GNPAT: variants seen among roughly 807,000 people sequenced by gnomAD.
The protein encoded by GNPAT is dihydroxyacetone phosphate acyltransferase.
In GNPAT, 30 loss-of-function variants were observed where a neutral mutation model predicts 78.4. That is an observed-to-expected ratio of 0.38 (90% confidence interval 0.29 to 0.52). GNPAT has a LOEUF of 0.52. Ranked by LOEUF, GNPAT falls within the 20% of genes least tolerant of loss-of-function variation. The pLI is 0.84. For missense variants in GNPAT, 714 were observed against 812.2 expected (o/e 0.88, Z 1.47); for synonymous variants, 271 against 281.1 (o/e 0.96, Z 0.36).
rs1312572344 is a variant in GNPAT at position 231,251,159 on chromosome 1, T to C, written c.261+16T>C. ...CATTAAACAGGTAAGTGATTCCCTC[T>C]TCAACCATGGCCAGATTTGTTCATT... On this transcript the variant is annotated intron_variant, in intron 2 of 15. Transcript: ENST00000366647. 45 of 1,482,580 alleles carry C rather than the reference T, an allele frequency of 3.0e-5. No homozygotes were observed. Among genetic ancestry groups the C allele is most frequent in the Non-Finnish European group, 3.9e-5 (42 of 1,082,912 alleles). 91.8% of individuals were successfully genotyped at this position (1,482,580 alleles called of 1,614,324 possible).
intron 3 of GNPAT, among the ~76,000 whole-genome samples, chr1:231,262,362 A>G (rs896006213): frequency 6.6e-6 from 1 of 152,234 alleles, no homozygotes; most frequent in Non-Finnish European, 1.5e-5. Context: ...CCATTTTACA[A>G]ACAAGAAAGC....
intron 2 of GNPAT, among the ~76,000 whole-genome samples, chr1:231,255,294 C>T (rs2102806999): frequency 6.6e-6 from 1 of 152,260 alleles, no homozygotes; most frequent in African/African-American, 2.4e-5. Flanking sequence ...ATTAGCTCTT[C>T]TCCCATCAGC....
intron 1 of GNPAT, among the ~76,000 whole-genome samples, chr1:231,243,816 C>T (rs1036955563): frequency 1.3e-5 from 2 of 152,052 alleles, no homozygotes; most frequent in African/African-American, 4.8e-5. Flanking sequence ...GTTTACATAT[C>T]CTTAGGGATA....
chr1:231,266,028 G>T lies in GNPAT; in HGVS notation c.787G>T (p.Val263Leu). Residue 263 changes from valine (V) to leucine (L), a missense_variant, in exon 7 of 16, where the codon GTG becomes TTG. Physicochemically the swap from Val to Leu is conservative, Grantham distance 32 (BLOSUM62 1). Transcript: ENST00000366647. ...LTPKFGLLNI[V>L]MEPFFKREVF... ...GTGTTTTGCAGGTCTTCTGAATATT[G>T]TGATGGAGCCATTTTTTAAAAGAGA... is the stretch of plus-strand genomic sequence containing the variant. 6.2e-7 allele frequency: 1 copy of T among 1,612,488 alleles called. No individual in the cohort carries two copies. The highest frequency in any genetic ancestry group is 1.3e-5 in the African/African-American group (1 of 75,004).
rs755949008 is a variant in GNPAT at position 231,266,351 on chromosome 1, A to G, written c.999A>G (p.Ser333=). 6.2e-7 allele frequency: 1 copy of G among 1,614,036 alleles called. No individual in the cohort carries two copies. Among genetic ancestry groups the G allele is most frequent in the South Asian group, 1.1e-5 (1 of 91,080 alleles). The part of the protein sequence containing the change: ...SIHVYFGDPV[S]LRSLAAGRMS... ...ATGTGTACTTTGGAGATCCTGTGTC[A>G]CTTCGATCTTTGGCAGCTGGGAGGA... Residue 333 remains serine, a synonymous_variant, in exon 8 of 16, where the codon TCA becomes TCG. Coordinates refer to ENST00000366647, the MANE Select transcript of GNPAT (RefSeq NM_014236.4).
In GNPAT at chr1:231,272,300, A is replaced by G. The variant is rs1451965513; in HGVS notation, c.1523-12A>G. Reference sequence around the variant, plus strand: ...GCAATGTTGTAATTTTACATGATGCATTTATTTCCAGAGGATGTCTACAGT... The same window carrying G: ...GCAATGTTGTAATTTTACATGATGCGTTTATTTCCAGAGGATGTCTACAGT... On this transcript the variant is annotated splice_polypyrimidine_tract_variant and intron_variant, in intron 10 of 15. Transcript: ENST00000366647. The G allele has an allele frequency of 2.1e-6, 3 of 1,460,128 alleles. No individual in the cohort carries two copies. Among genetic ancestry groups the G allele is most frequent in the African/African-American group, 1.4e-5 (1 of 72,406 alleles). 90.4% of individuals were successfully genotyped at this position (1,460,128 alleles called of 1,614,324 possible).
At chr1:231,271,603 A>G (rs1442792072) in intron 10 of GNPAT, among the ~76,000 whole-genome samples, 2 of 152,190 alleles carry the variant, frequency 1.3e-5, no homozygotes, top group Non-Finnish European at 2.9e-5. Context: ...TGGCTTTTCA[A>G]AGCTCCACAG....
chr1:231,273,291 G>A (rs1281105857), intron 11 of GNPAT, among the ~76,000 whole-genome samples: 4 of 140,514 alleles, frequency 2.8e-5, no homozygotes, highest in South Asian at 2.2e-4. Flanking sequence ...TGGCTCTGTC[G>A]CTCAGGCTAG....
chr1:231,257,305 G>A (rs575386189), intron 2 of GNPAT, among the ~76,000 whole-genome samples: 6 of 151,890 alleles, frequency 4.0e-5, no homozygotes, highest in African/African-American at 1.5e-4. Context: ...ATTCTGCCTC[G>A]TTTCCCTCTT....
chr1:231,253,455 C>T (rs970030643), intron 2 of GNPAT, among the ~76,000 whole-genome samples: 1 of 152,210 alleles, frequency 6.6e-6, no homozygotes, highest in Non-Finnish European at 1.5e-5. Flanking sequence ...CTAAGGCTGG[C>T]CTGTAGAGAT....
intron 5 of GNPAT, 133 bp from the exon 6 acceptor site, chr1:231,265,577 CTT>C (rs1685358858): frequency 1.2e-5 from 11 of 891,180 alleles, no homozygotes; most frequent in Middle Eastern, 2.1e-4. Context: ...GTGTGACTCT[CTT>C]GTTTAATTTT....
chr1:231,260,449 T>C, intron 2 of GNPAT, 58 bp from the exon 3 acceptor site: 3 of 1,197,442 alleles, frequency 2.5e-6, no homozygotes, highest in Non-Finnish European at 3.7e-6. Flanking sequence ...TGAGTAAAGC[T>C]TTCTGACTTT....
chr1:231,265,778 C>T lies in GNPAT; in HGVS notation c.763C>T (p.Pro255Ser), dbSNP rs1300841944. The T allele has an allele frequency of 4.4e-6, 7 of 1,589,798 alleles. No homozygotes were observed. Among genetic ancestry groups the T allele is most frequent in the Non-Finnish European group, 6.0e-6 (7 of 1,157,852 alleles). The change falls in exon 6 of 16, where the codon CCT becomes TCT. Residue 255 changes from proline (P) to serine (S), a missense_variant. Coordinates refer to ENST00000366647, the MANE Select transcript of GNPAT (RefSeq NM_014236.4). ...TRSRSAKTLT[P>S]KFGLLNIVME... ...AAGCCGCTCTGCCAAGACATTGACT[C>T]CTAAATTTGGTAGGTCACTACAGAT...
chr1:231,271,111 C>G, intron 10 of GNPAT, 111 bp downstream of exon 10: 3 of 1,244,386 alleles, frequency 2.4e-6, no homozygotes, highest in Non-Finnish European at 3.5e-6. Context: ...CGGTGAAGAG[C>G]AGGCCTATCA....
chr1:231,274,718 T>A (rs1427738117), intron 12 of GNPAT, among the ~76,000 whole-genome samples: 1 of 152,200 alleles, frequency 6.6e-6, no homozygotes, highest in Non-Finnish European at 1.5e-5. Flanking sequence ...CTGGACCCAC[T>A]TCCTGGTGCT....
rs920096578 is a variant in GNPAT at position 231,275,559 on chromosome 1, C to G, written c.1937+61C>G. 15 of 950,038 alleles carry G rather than the reference C, an allele frequency of 1.6e-5. No individual in the cohort carries two copies. The African/African-American group carries it at 2.2e-4, about 14-fold the overall frequency. 58.9% of individuals were successfully genotyped at this position (950,038 alleles called of 1,614,324 possible). On this transcript the variant is annotated intron_variant, in intron 14 of 15. Coordinates refer to ENST00000366647, the MANE Select transcript of GNPAT (RefSeq NM_014236.4). ...AACAAGGAAATGAATGACATTTGAG[C>G]TCAAAATCCAGAGAGACATAGAAAT...
At chr1:231,254,782 TC>T (rs1335732604) in intron 2 of GNPAT, among the ~76,000 whole-genome samples, 1 of 150,190 alleles carries the variant, frequency 6.7e-6, no homozygotes, top group African/African-American at 2.5e-5. Flanking sequence ...CGACAGAGTC[TC>T]CCTCTGTCTC....
chr1:231,241,865 G>A (rs1017154627), intron 1 of GNPAT, among the ~76,000 whole-genome samples: 1 of 152,140 alleles, frequency 6.6e-6, no homozygotes, highest in Non-Finnish European at 1.5e-5. Flanking sequence ...CTGTGGCTCC[G>A]CACCCCGCCC....
At chr1:231,258,828 G>A (rs1195350807) in intron 2 of GNPAT, among the ~76,000 whole-genome samples, 6 of 150,480 alleles carry the variant, frequency 4.0e-5, no homozygotes, top group South Asian at 2.1e-4. Flanking sequence ...TAGTAGAGAC[G>A]GGGTTTCACC....
Sources: allele counts gnomAD v4.1 joint callset (sites outside exome capture counted in the v4.1 genomes callset), GRCh38; gene constraint gnomAD v4.1.1; transcripts MANE v1.5; gene names NCBI Gene and HGNC (gene_info 2026-07-23, HGNC 2026-07-21).